Variants in RBFOX3 observed in about 807,000 individuals in gnomAD.
RBFOX3 encodes the protein RNA binding fox-1 homolog 3, also known as RNA binding protein fox-1 homolog 3.
Under a neutral mutation model 48.7 loss-of-function variants are expected in RBFOX3, and 17 were observed. The observed-to-expected ratio is 0.35, with a 90% confidence interval of 0.24 to 0.52. The LOEUF (loss-of-function observed/expected upper bound fraction) is 0.52. Ranked by LOEUF, RBFOX3 falls within the 20% of genes least tolerant of loss-of-function variation. The pLI is 0.94. For missense variants in RBFOX3, 382 were observed against 497.5 expected, an observed-to-expected ratio of 0.77 and a Z score of 2.21; for synonymous variants, 212 against 209.5, an observed-to-expected ratio of 1.01 and a Z score of -0.10.
the RBFOX3 span, among the ~76,000 whole-genome samples, chr17:79,662,094 G>T: frequency 7.6e-6 from 1 of 131,704 alleles, no homozygotes; most frequent in Non-Finnish European, 1.7e-5. Context: ...ATTTTTTTTT[G>T]ATACAGTGTG....
chr17:79,341,567 G>C (rs967296147), intron 2 of RBFOX3, among the ~76,000 whole-genome samples: 27 of 152,104 alleles, frequency 1.8e-4, no homozygotes, highest in Non-Finnish European at 2.9e-4. Flanking sequence ...GCTGGGGCTG[G>C]GGCACGGCTG....
rs549836058 is a variant in RBFOX3, at chr17:79,362,103, C to T, written c.-174-54279G>A. On this transcript the variant is annotated intron_variant, in intron 2 of 14. Coordinates refer to ENST00000693108, the MANE Select transcript of RBFOX3 (RefSeq NM_001350451.2). This position sits in a 1 kb window ranked among gnomAD's most constrained non-coding sequence, Gnocchi z 4.2. ...GTGGTGGGTAACAGATCACTCCCTT[C>T]GAGAGAATCCACTCCACTGCCAGCT... 6.6e-6 allele frequency among the ~76,000 whole-genome samples: 1 copy of T among 152,186 alleles called. No individual in the cohort carries two copies. The highest frequency in any genetic ancestry group is 1.5e-5 in the Non-Finnish European group (1 of 68,026).
intron 3 of RBFOX3, among the ~76,000 whole-genome samples, chr17:79,265,001 A>G (rs1489162743): frequency 6.6e-6 from 1 of 151,852 alleles, no homozygotes; most frequent in Non-Finnish European, 1.5e-5. Context: ...GATCATAAAA[A>G]CTGCATCAAA....
chr17:79,539,073 C>T (rs185480870), intron 1 of RBFOX3, among the ~76,000 whole-genome samples: 60 of 152,294 alleles, frequency 3.9e-4, no homozygotes, highest in African/African-American at 1.4e-3. Context: ...AATACGTGGT[C>T]AGGTGTGGTG....
At chr17:79,295,570 G>A (rs2074206270) in intron 3 of RBFOX3, among the ~76,000 whole-genome samples, 1 of 152,200 alleles carries the variant, frequency 6.6e-6, no homozygotes, top group African/African-American at 2.4e-5. Flanking sequence ...CTGAGTGCGG[G>A]CAAAGTCAGG....
At chr17:79,297,643 A>T (rs2074612838) in intron 3 of RBFOX3, among the ~76,000 whole-genome samples, 1 of 152,258 alleles carries the variant, frequency 6.6e-6, no homozygotes, top group Admixed American at 6.5e-5. Flanking sequence ...TGCCTTTCCC[A>T]GGGAGATGGG....
rs544204431 is a variant in RBFOX3, at chr17:79,421,999, C to T, written c.-175+60455G>A. Among the ~76,000 whole-genome samples, 6 of 152,170 alleles carry T rather than the reference C, an allele frequency of 3.9e-5. No homozygotes were observed. In the East Asian group the frequency reaches 5.8e-4, roughly 15 times the overall value. On this transcript the variant is annotated intron_variant, in intron 2 of 14. Coordinates refer to ENST00000693108, the MANE Select transcript of RBFOX3 (RefSeq NM_001350451.2). The surrounding 1 kb of genome is among the most constrained non-coding windows in gnomAD (Gnocchi z 4.5). Reference sequence around the variant, plus strand: ...GGACGAGATGAGGAGGGGGACTTGCCGGCTGCTGGCTTCCAGCCTCATGGG... The same window carrying T: ...GGACGAGATGAGGAGGGGGACTTGCTGGCTGCTGGCTTCCAGCCTCATGGG...
chr17:79,488,594 C>T (rs2080018187), intron 1 of RBFOX3, among the ~76,000 whole-genome samples: 1 of 152,240 alleles, frequency 6.6e-6, no homozygotes, highest in African/African-American at 2.4e-5. Context: ...CAGCCCATCA[C>T]TGTGTGACCT....
intron 4 of RBFOX3, among the ~76,000 whole-genome samples, chr17:79,120,283 C>T (rs1027998412): frequency 6.6e-5 from 10 of 151,976 alleles, no homozygotes; most frequent in Admixed American, 3.3e-4. Flanking sequence ...CGTACAAGAA[C>T]GGGTGGATGT....
intron 2 of RBFOX3, among the ~76,000 whole-genome samples, chr17:79,454,223 A>G (rs966205640): frequency 1.3e-5 from 2 of 151,974 alleles, no homozygotes; most frequent in Admixed American, 6.5e-5. Context: ...ACCCAGCCGC[A>G]TGCCCCAGGC....
chr17:79,287,397 T>A (rs1050629141), intron 3 of RBFOX3, among the ~76,000 whole-genome samples: 1 of 152,142 alleles, frequency 6.6e-6, no homozygotes, highest in South Asian at 2.1e-4. Context: ...TCGTTTTTCC[T>A]CTTGAGTAGG....
chr17:79,343,050 T>C (rs1342489076), intron 2 of RBFOX3, among the ~76,000 whole-genome samples: 1 of 152,094 alleles, frequency 6.6e-6, no homozygotes, highest in Non-Finnish European at 1.5e-5. Context: ...GAGTTTTTCT[T>C]TCTTTCTCCC....
At chr17:79,552,237 T>A (rs2091222838) in intron 1 of RBFOX3, among the ~76,000 whole-genome samples, 1 of 152,196 alleles carries the variant, frequency 6.6e-6, no homozygotes, top group East Asian at 1.9e-4. Flanking sequence ...TTAAACAAAT[T>A]AATGTATTGA....
In RBFOX3 at chr17:79,214,610, A is replaced by C. The variant is rs1427020221; in HGVS notation, c.-34+21156T>G. ...GAAGGGTTGGCCTCTGTGGCTGTCC[A>C]GGGAGAGAGAGGAGGAGCCCAGGCT... On this transcript the variant is annotated intron_variant, in intron 4 of 14. Transcript: ENST00000693108. The surrounding 1 kb of genome is among the most constrained non-coding windows in gnomAD (Gnocchi z 4.7). 6.6e-6 allele frequency among the ~76,000 whole-genome samples: 1 copy of C among 151,900 alleles called. No homozygotes were observed. The highest frequency in any genetic ancestry group is 2.1e-4 in the South Asian group (1 of 4,806).
chr17:79,442,148 A>C, intron 2 of RBFOX3, among the ~76,000 whole-genome samples: 1 of 149,222 alleles, frequency 6.7e-6, no homozygotes. Flanking sequence ...GAGGGAGGGG[A>C]ACCCCATTCG....
chr17:79,435,170 C>G (rs1471770463), intron 2 of RBFOX3, among the ~76,000 whole-genome samples: 5 of 152,162 alleles, frequency 3.3e-5, no homozygotes, highest in African/African-American at 1.2e-4. Context: ...GCAGGGTGGA[C>G]AGTGAGTTGT....
At chr17:79,107,515 T>C (rs1461930204) in intron 5 of RBFOX3, among the ~76,000 whole-genome samples, 2 of 152,196 alleles carry the variant, frequency 1.3e-5, no homozygotes, top group African/African-American at 4.8e-5. Flanking sequence ...GGCAGCGCAG[T>C]GTGGCCTGTG....
At chr17:79,433,318 C>A (rs895248687) in intron 2 of RBFOX3, among the ~76,000 whole-genome samples, 11 of 152,210 alleles carry the variant, frequency 7.2e-5, no homozygotes, top group African/African-American at 2.2e-4. Context: ...GCCAGTTGAC[C>A]TGGACATCCT....
intron 2 of RBFOX3, among the ~76,000 whole-genome samples, chr17:79,386,535 C>T (rs1051679734): frequency 6.6e-6 from 1 of 152,218 alleles, no homozygotes; most frequent in African/African-American, 2.4e-5. Context: ...CATACTATCA[C>T]CATGATGTCA....
Sources: gnomAD v4.1 joint callset for allele counts (sites outside exome capture counted in the v4.1 genomes callset) on GRCh38, gnomAD v4.1.1 for gene constraint, Gnocchi (gnomAD v3.1) non-coding constraint, MANE v1.5 for transcripts, NCBI Gene and HGNC (gene_info 2026-07-23, HGNC 2026-07-21) for gene names.